The following RBFOX1 variants were observed in gnomAD, a reference collection of about 807,000 sequenced individuals.
RBFOX1 encodes RNA binding fox-1 homolog 1, also known as RNA binding protein fox-1 homolog 1.
RBFOX1 carries 8 observed loss-of-function variants against 57.7 expected under a neutral mutation model. The ratio of observed to expected loss-of-function variants is 0.14; its 90% CI spans 0.08 to 0.25. RBFOX1 has a LOEUF of 0.25. Ranked by LOEUF, RBFOX1 falls within the 10% of genes least tolerant of loss-of-function variation. The pLI, the probability that RBFOX1 is intolerant of heterozygous loss-of-function variation, is 1.00. For synonymous variants in RBFOX1, 326 were observed against 222.4 expected (o/e 1.47, Z -4.15); for missense variants, 611 against 548.5 (o/e 1.11, Z -1.14).
intron 3 of RBFOX1, among the ~76,000 whole-genome samples, chr16:6,925,455 C>CATTT (rs35991387): frequency 0.6 from 88,044 of 147,286 alleles, 27,319 homozygotes; most frequent in Non-Finnish European, 0.7. Flanking sequence ...ATGGACTCCA[C>CATTT]ATTTATTTAT....
chr16:6,548,029 C>G (rs887650037), intron 2 of RBFOX1, among the ~76,000 whole-genome samples: 7 of 152,148 alleles, frequency 4.6e-5, no homozygotes, highest in Non-Finnish European at 7.3e-5. Flanking sequence ...TTCTTATTGA[C>G]AAGCTCAGAC....
intron 3 of RBFOX1, among the ~76,000 whole-genome samples, chr16:6,877,386 C>G (rs2062040360): frequency 6.6e-6 from 1 of 152,166 alleles, no homozygotes; most frequent in Admixed American, 6.5e-5. Flanking sequence ...ACTGACATAA[C>G]TGCATCATTT....
At chr16:6,567,800 A>G (rs2097288289) in intron 2 of RBFOX1, among the ~76,000 whole-genome samples, 1 of 151,924 alleles carries the variant, frequency 6.6e-6, no homozygotes, top group African/African-American at 2.4e-5. Flanking sequence ...TTATGGACAA[A>G]CCCCACTATT....
intron 1 of RBFOX1, among the ~76,000 whole-genome samples, chr16:6,054,972 C>T (rs372365534): frequency 5.9e-5 from 9 of 151,864 alleles, no homozygotes; most frequent in Admixed American, 1.3e-4. Flanking sequence ...TTAGTAGAGA[C>T]GGGGTTTCAC....
At chr16:6,412,144 AC>A (rs1358430609) in intron 2 of RBFOX1, among the ~76,000 whole-genome samples, 47 of 143,042 alleles carry the variant, frequency 3.3e-4, no homozygotes, top group African/African-American at 6.2e-4. Context: ...AAAAAAAAAA[AC>A]AAAAAAACAA....
At chr16:6,453,747 C>T (rs2094692897) in intron 2 of RBFOX1, among the ~76,000 whole-genome samples, 1 of 152,164 alleles carries the variant, frequency 6.6e-6, no homozygotes, top group Non-Finnish European at 1.5e-5. Context: ...CAGCCATGAG[C>T]CCCATGTGAC....
chr16:7,542,334 A>G (rs573408396), intron 5 of RBFOX1, among the ~76,000 whole-genome samples: 2 of 152,292 alleles, frequency 1.3e-5, no homozygotes, highest in South Asian at 4.1e-4. Context: ...TGTGTTTGAA[A>G]GCATACGCCA....
chr16:6,687,187 C>G (rs558209134), intron 3 of RBFOX1, among the ~76,000 whole-genome samples: 1 of 152,086 alleles, frequency 6.6e-6, no homozygotes, highest in Non-Finnish European at 1.5e-5. Context: ...GTTTTAACAT[C>G]AGGTAGTAAA....
chr16:7,525,299 G>C (rs2078446821), intron 5 of RBFOX1, among the ~76,000 whole-genome samples: 1 of 152,184 alleles, frequency 6.6e-6, no homozygotes, highest in Non-Finnish European at 1.5e-5. Context: ...TTTTGTGTGT[G>C]TGTGTGTGTG....
At chr16:7,460,390 T>TATATATATATATA (rs59876886) in intron 4 of RBFOX1, among the ~76,000 whole-genome samples, 1 of 55,168 alleles carries the variant, frequency 1.8e-5, no homozygotes, top group East Asian at 1.1e-3. Context: ...TATATATATA[T>TATATATATATATA]GTGTGTGTGT....
At chr16:6,931,178 G>T (rs765602209) in intron 3 of RBFOX1, among the ~76,000 whole-genome samples, 1 of 151,546 alleles carries the variant, frequency 6.6e-6, no homozygotes, top group Non-Finnish European at 1.5e-5. Context: ...CTAGTAATGC[G>T]CTGTGTAGAT....
At chr16:7,329,648 C>T (rs1314983484) in intron 4 of RBFOX1, among the ~76,000 whole-genome samples, 2 of 152,152 alleles carry the variant, frequency 1.3e-5, no homozygotes, top group African/African-American at 4.8e-5. Context: ...CGCAATCATA[C>T]AGGACAATAA....
chr16:5,425,064 C>CTTATTTATTTAT (rs766262577), intron 1 of RBFOX1, among the ~76,000 whole-genome samples: 20 of 115,154 alleles, frequency 1.7e-4, no homozygotes, highest in East Asian at 1.5e-3. Context: ...TCCTTCCTTT[C>CTTATTTATTTAT]TTATCTATCT....
At chr16:7,486,061 C>T (rs895453858) in intron 4 of RBFOX1, among the ~76,000 whole-genome samples, 1 of 151,528 alleles carries the variant, frequency 6.6e-6, no homozygotes, top group Non-Finnish European at 1.5e-5. Flanking sequence ...TCTGTGCTAC[C>T]ACTTGGTGTG....
chr16:5,788,354 C>T (rs930483002), intron 3 of RBFOX1, among the ~76,000 whole-genome samples: 2 of 152,124 alleles, frequency 1.3e-5, no homozygotes, highest in Non-Finnish European at 2.9e-5. Context: ...TGTGGCTGGG[C>T]GTGGTGGCTC....
At chr16:5,915,830 T>G (rs1245888488) in intron 4 of RBFOX1, among the ~76,000 whole-genome samples, 2 of 149,548 alleles carry the variant, frequency 1.3e-5, no homozygotes, top group Admixed American at 6.6e-5. Flanking sequence ...AGACTCAGTA[T>G]AAAAAGAAAA....
intron 1 of RBFOX1, among the ~76,000 whole-genome samples, chr16:5,292,184 G>A (rs151247232): frequency 1.3e-4 from 20 of 149,436 alleles, no homozygotes; most frequent in Admixed American, 4.0e-4. Flanking sequence ...TTAGATGTGC[G>A]CCAGTGTTAC....
At chr16:6,215,400 C>G (rs1199037890) in intron 1 of RBFOX1, among the ~76,000 whole-genome samples, 2 of 110,612 alleles carry the variant, frequency 1.8e-5, no homozygotes, top group African/African-American at 7.4e-5. Flanking sequence ...CAGAAGAAAA[C>G]AGGCAGAGAG....
At chr16:7,426,009 C>T (rs550619125) in intron 4 of RBFOX1, among the ~76,000 whole-genome samples, 20 of 152,296 alleles carry the variant, frequency 1.3e-4, no homozygotes, top group African/African-American at 2.9e-4. Context: ...TTGTTCAAGG[C>T]GGCATCTGGG....
Sources: gnomAD v4.1 joint callset for allele counts (sites outside exome capture counted in the v4.1 genomes callset) on GRCh38, gnomAD v4.1.1 for gene constraint, MANE v1.5 for transcripts, NCBI Gene and HGNC (gene_info 2026-07-23, HGNC 2026-07-21) for gene names.